SPRY3: variants seen among roughly 807,000 people sequenced by gnomAD.
SPRY3 encodes sprouty RTK signaling antagonist 3.
Under a neutral mutation model 20.2 loss-of-function variants are expected in SPRY3, and 15 were observed. The ratio of observed to expected loss-of-function variants is 0.74; its 90% CI spans 0.50 to 1.14. The LOEUF (loss-of-function observed/expected upper bound fraction) is 1.14. Ranked by LOEUF, SPRY3 falls within the 50% of genes most tolerant of loss-of-function variation. SPRY3 has a pLI of 0.00. For missense variants in SPRY3, 364 were observed against 363.9 expected, an observed-to-expected ratio of 1.00 and a Z score of 0.00; for synonymous variants, 143 against 136.5, an observed-to-expected ratio of 1.05 and a Z score of -0.33.
intron 2 of SPRY3, among the ~76,000 whole-genome samples, chrX:155,677,706 G>A (rs1426920318): frequency 8.1e-5 from 9 of 111,780 alleles, no homozygotes. Flanking sequence ...CAAAGACAGA[G>A]TGAATTATAT....
intron 2 of SPRY3, among the ~76,000 whole-genome samples, chrX:155,712,162 C>T (rs915535991): frequency 6.6e-6 from 1 of 151,694 alleles, no homozygotes; most frequent in African/African-American, 2.4e-5. Flanking sequence ...AAATGTGCAT[C>T]CTGCAGTTGT....
chrX:155,632,892 C>T (rs781990204), intron 1 of SPRY3, among the ~76,000 whole-genome samples: 3 of 111,608 alleles, frequency 2.7e-5, no homozygotes, highest in South Asian at 3.8e-4. Flanking sequence ...GGTTGTCTTA[C>T]GTAGGCCAGG....
At chrX:155,672,301 T>C (rs1477519892) in intron 2 of SPRY3, among the ~76,000 whole-genome samples, 36 of 110,116 alleles carry the variant, frequency 3.3e-4, no homozygotes, top group Non-Finnish European at 5.9e-4. Flanking sequence ...GAGAAAATTT[T>C]CGCAACCTAC....
intron 2 of SPRY3, among the ~76,000 whole-genome samples, chrX:155,720,214 T>G (rs909803405): frequency 7.9e-5 from 12 of 152,216 alleles, no homozygotes; most frequent in Admixed American, 3.3e-4. Flanking sequence ...TCCTTTGAAT[T>G]TGGAAACGGG....
At chrX:155,692,933 C>G (rs1344898265) in intron 2 of SPRY3, among the ~76,000 whole-genome samples, 2 of 110,664 alleles carry the variant, frequency 1.8e-5, no homozygotes, top group Admixed American at 9.7e-5. Context: ...CTTGATCTAT[C>G]TGGATGTTTG....
At chrX:155,675,979 A>G (rs1376802715) in intron 2 of SPRY3, among the ~76,000 whole-genome samples, 2 of 111,563 alleles carry the variant, frequency 1.8e-5, no homozygotes, top group African/African-American at 6.5e-5. Flanking sequence ...TCTGCTCATC[A>G]TTAGTTCTTT....
intron 1 of SPRY3, among the ~76,000 whole-genome samples, chrX:155,642,572 T>C (rs2067945530): frequency 9.0e-6 from 1 of 111,640 alleles, no homozygotes. Flanking sequence ...GATTATTAGA[T>C]TGTTTATTTG....
chrX:155,621,093 C>T (rs782165922), intron 1 of SPRY3, among the ~76,000 whole-genome samples: 20 of 111,794 alleles, frequency 1.8e-4, no homozygotes, highest in Non-Finnish European at 3.2e-4. Flanking sequence ...GCTGGAAACC[C>T]GATTTACCAA....
chrX:155,691,997 GTA>G (rs1286427484), intron 2 of SPRY3, among the ~76,000 whole-genome samples: 2 of 88,338 alleles, frequency 2.3e-5, no homozygotes, highest in Non-Finnish European at 4.3e-5. Flanking sequence ...AATAGTAAGT[GTA>G]TTTTTGTACC....
rs1250561869 is a variant in SPRY3 at position 155,721,903 on chromosome X, AAC to A, written c.-281-46055_-281-46054del. On this transcript the variant is annotated intron_variant, in intron 2 of 3. Coordinates refer to ENST00000675360, the Ensembl canonical transcript of SPRY3. ...ACTAGCAGTAGTAGGTACACAGAAA[AAC>A]ACAGAATATTATAACACTGTAACTG... Among the ~76,000 whole-genome samples the A allele has an allele frequency of 5.3e-5, 8 of 152,260 alleles. No homozygotes were observed. The South Asian group carries it at 1.0e-3, about 20-fold the overall frequency.
At chrX:155,659,115 C>CTTTCTTTA (rs1557353333) in intron 2 of SPRY3, among the ~76,000 whole-genome samples, 5 of 94,166 alleles carry the variant, frequency 5.3e-5, no homozygotes, top group Non-Finnish European at 1.0e-4. Context: ...TTCTTTCTTT[C>CTTTCTTTA]TTTCTTTCTT....
intron 2 of SPRY3, among the ~76,000 whole-genome samples, chrX:155,725,086 T>G (rs1335451041): frequency 6.6e-6 from 1 of 152,190 alleles, no homozygotes; most frequent in Non-Finnish European, 1.5e-5. Context: ...TCATGTAGTT[T>G]TTGTCATTGG....
intron 2 of SPRY3, among the ~76,000 whole-genome samples, chrX:155,741,432 C>T (rs1000963243): frequency 5.3e-5 from 8 of 152,086 alleles, no homozygotes; most frequent in Non-Finnish European, 7.4e-5. Context: ...ACATACTTCA[C>T]AATATCATCC....
chrX:155,739,412 C>T (rs187166068), intron 2 of SPRY3, among the ~76,000 whole-genome samples: 4 of 152,292 alleles, frequency 2.6e-5, no homozygotes, highest in African/African-American at 2.4e-5. Context: ...GTGGTTTGGA[C>T]GAGGTGGAAG....
chrX:155,716,594 C>G (rs2091024310), intron 2 of SPRY3, among the ~76,000 whole-genome samples: 1 of 151,722 alleles, frequency 6.6e-6, no homozygotes, highest in Non-Finnish European at 1.5e-5. Flanking sequence ...TTTCTTTTTA[C>G]TTTTTTGTTT....
chrX:155,724,837 C>G (rs1416180625), intron 2 of SPRY3, among the ~76,000 whole-genome samples: 1 of 152,088 alleles, frequency 6.6e-6, no homozygotes, highest in African/African-American at 2.4e-5. Flanking sequence ...TTGCCCTGGC[C>G]AGAACTTCCA....
At chrX:155,765,538 G>A (rs1419544351) in intron 2 of SPRY3, among the ~76,000 whole-genome samples, 1 of 152,194 alleles carries the variant, frequency 6.6e-6, no homozygotes, top group Non-Finnish European at 1.5e-5. Flanking sequence ...AGGAGCGCAG[G>A]AAATCTAGCT....
intron 1 of SPRY3, among the ~76,000 whole-genome samples, chrX:155,648,851 A>T (rs1339838436): frequency 9.0e-6 from 1 of 111,678 alleles, no homozygotes; most frequent in African/African-American, 3.3e-5. Flanking sequence ...TTTTGAAAAG[A>T]TTAACAAAAT....
chrX:155,683,369 A>C (rs758534077), intron 2 of SPRY3, among the ~76,000 whole-genome samples: 35 of 111,933 alleles, frequency 3.1e-4, no homozygotes, highest in Non-Finnish European at 5.5e-4. Flanking sequence ...AGCAACCACC[A>C]CCCTGATCAG....
Sources: allele counts gnomAD v4.1 joint callset (sites outside exome capture counted in the v4.1 genomes callset), GRCh38; gene constraint gnomAD v4.1.1; transcripts MANE v1.5; gene names NCBI Gene and HGNC (gene_info 2026-07-23, HGNC 2026-07-21).